MBD5: variants seen among roughly 807,000 people sequenced by gnomAD.
The protein encoded by MBD5 is methyl-CpG-binding domain protein 5.
A neutral mutation model predicts 117.3 loss-of-function variants in MBD5; 13 were observed. That is an observed-to-expected ratio of 0.11 (90% CI 0.07 to 0.18). MBD5 has a LOEUF of 0.18. MBD5 is among the 10% of genes least tolerant of loss of function. The pLI is 1.00. For missense variants in MBD5, 1,879 were observed against 2,093.8 expected (o/e 0.90, Z 2.00); for synonymous variants, 727 against 766.4 (o/e 0.95, Z 0.85).
At chr2:148,368,100 G>C (rs1012297572) in intron 4 of MBD5, among the ~76,000 whole-genome samples, 2 of 152,136 alleles carry the variant, frequency 1.3e-5, no homozygotes, top group African/African-American at 4.8e-5. Flanking sequence ...TGATAGACTG[G>C]ATTAAGAAAA....
intron 1 of MBD5, among the ~76,000 whole-genome samples, chr2:148,123,735 C>A (rs575939535): frequency 9.9e-5 from 15 of 152,204 alleles, no homozygotes; most frequent in African/African-American, 3.4e-4. Flanking sequence ...TAGGTGAAGT[C>A]CCCAAGGGAG....
At chr2:148,211,922 T>A (rs888619626) in intron 2 of MBD5, among the ~76,000 whole-genome samples, 1 of 151,986 alleles carries the variant, frequency 6.6e-6, no homozygotes, top group Non-Finnish European at 1.5e-5. Flanking sequence ...TTTTTTTCTG[T>A]ATTTTTTGTA....
rs117172506 is a variant in MBD5 at position 148,408,452 on chromosome 2, G to T, written c.-556-49751G>T. Reference sequence around the variant, plus strand: ...AAGGTTGCTGTCATGTTTTCATTCTGTATGGGTGCAAAAATAATTTTAAGC... The same window carrying T: ...AAGGTTGCTGTCATGTTTTCATTCTTTATGGGTGCAAAAATAATTTTAAGC... On this transcript the variant is annotated intron_variant, in intron 4 of 13. Coordinates refer to ENST00000642680, the MANE Select transcript of MBD5 (RefSeq NM_001378120.1). Among the ~76,000 whole-genome samples the T allele has an allele frequency of 2.0e-3, 298 of 152,164 alleles. 9 individuals are homozygous for T. In the East Asian group the frequency reaches 0.051, roughly 26 times the overall value.
At chr2:148,292,774 G>A (rs553753482) in intron 3 of MBD5, among the ~76,000 whole-genome samples, 83 of 152,148 alleles carry the variant, frequency 5.5e-4, no homozygotes, top group African/African-American at 2.0e-3. Flanking sequence ...GCACTCCCAA[G>A]TTTGTTGCAG....
Position 148,103,166 on chromosome 2 carries a change from T to C in MBD5, c.-924-75534T>C, listed in dbSNP as rs778005985. Among the ~76,000 whole-genome samples the C allele has an allele frequency of 4.6e-5, 7 of 152,180 alleles. No individual in the cohort carries two copies. In the South Asian group the frequency reaches 6.2e-4, roughly 13 times the overall value. On this transcript the variant is annotated intron_variant, in intron 1 of 13. Coordinates refer to ENST00000642680, the MANE Select transcript of MBD5 (RefSeq NM_001378120.1). ...AAATGTGCTTTATCTGCTTGTATTATGTTTTTCTTTATTGTTCCCAAGCCA... is the reference window on the plus strand; with the variant it reads ...AAATGTGCTTTATCTGCTTGTATTACGTTTTTCTTTATTGTTCCCAAGCCA...
At position 148,270,646 on chromosome 2, in the gene MBD5, T is replaced by G. The variant is rs1472950306; in HGVS notation, c.-680+37251T>G. Among the ~76,000 whole-genome samples the G allele has an allele frequency of 2.0e-5, 3 of 152,090 alleles. No homozygotes were observed. The East Asian group carries it at 5.8e-4, about 29-fold the overall frequency. Reference sequence around the variant, plus strand: ...TCAAGCAATCCTCCTGCCTTGGCCTTTCAAAGTGCTGGCATTACAGGTGTC... The same window carrying G: ...TCAAGCAATCCTCCTGCCTTGGCCTGTCAAAGTGCTGGCATTACAGGTGTC... On this transcript the variant is annotated intron_variant, in intron 3 of 13. Transcript: ENST00000642680.
intron 4 of MBD5, among the ~76,000 whole-genome samples, chr2:148,397,443 C>A (rs998378088): frequency 6.6e-6 from 1 of 151,640 alleles, no homozygotes; most frequent in African/African-American, 2.4e-5. Context: ...CATTCTCCTG[C>A]CTCAGCCTCC....
rs1371018820 is a variant in MBD5 at position 148,490,021 on chromosome 2, G to T, written c.4389G>T (p.Arg1463Ser). 10 of 1,613,878 alleles carry T rather than the reference G, an allele frequency of 6.2e-6. No individual in the cohort carries two copies. The highest frequency in any genetic ancestry group is 4.4e-5 in the South Asian group (4 of 91,036). The change falls in exon 11 of 14, where the codon AGG becomes AGT. Residue 1463 changes from arginine to serine, a missense_variant. Arg to Ser is a moderately radical substitution (Grantham distance 110, BLOSUM62 -1). Coordinates refer to ENST00000642680, the MANE Select transcript of MBD5 (RefSeq NM_001378120.1). ...GHIHSSPCHE[R>S]PNNVSTLPFL... is the part of the protein sequence containing the mutation. ...TCCACAGTAGTCCTTGTCATGAAAG[G>T]CCCAACAATGTCTCTACACTGCCAT... is the stretch of plus-strand genomic sequence containing the variant.
chr2:148,121,172 T>A (rs1345466125), intron 1 of MBD5, among the ~76,000 whole-genome samples: 1 of 152,192 alleles, frequency 6.6e-6, no homozygotes, highest in Non-Finnish European at 1.5e-5. Context: ...TCTGTAAAAC[T>A]GGGTTTGATT....
At chr2:148,272,785 GA>G (rs1701016978) in intron 3 of MBD5, among the ~76,000 whole-genome samples, 1 of 152,018 alleles carries the variant, frequency 6.6e-6, no homozygotes, top group African/African-American at 2.4e-5. Flanking sequence ...TTTTTAGTTT[GA>G]TATAATTCCA....
At chr2:148,200,246 C>G (rs1158345237) in intron 2 of MBD5, among the ~76,000 whole-genome samples, 1 of 151,016 alleles carries the variant, frequency 6.6e-6, no homozygotes, top group Non-Finnish European at 1.5e-5. Flanking sequence ...TTATTGTCTG[C>G]CCACACTAGA....
chr2:148,263,972 A>G (rs1042702568), intron 3 of MBD5, among the ~76,000 whole-genome samples: 3 of 152,176 alleles, frequency 2.0e-5, no homozygotes, highest in Admixed American at 6.5e-5. Flanking sequence ...GAAAGCAGAC[A>G]TTTGCATTCA....
chr2:148,033,706 A>C (rs1694106181), intron 1 of MBD5, among the ~76,000 whole-genome samples: 1 of 152,210 alleles, frequency 6.6e-6, no homozygotes, highest in African/African-American at 2.4e-5. Context: ...GTACCACATA[A>C]CAGTTGATGA....
At chr2:148,507,652 G>C (rs1010989522) in intron 12 of MBD5, among the ~76,000 whole-genome samples, 1 of 151,872 alleles carries the variant, frequency 6.6e-6, no homozygotes, top group Non-Finnish European at 1.5e-5. Flanking sequence ...CCAGCTACTC[G>C]AGGGGGCTGA....
At position 148,490,485 on chromosome 2, in the gene MBD5, T is replaced by C. The variant is rs757106099; in HGVS notation, c.4853T>C (p.Val1618Ala). 3.7e-6 allele frequency: 6 copies of C among 1,614,224 alleles called. No homozygotes were observed. Among genetic ancestry groups the C allele is most frequent in the Non-Finnish European group, 8.5e-7 (1 of 1,180,042 alleles). Residue 1618 changes from valine to alanine, a missense_variant, in exon 11 of 14, where the codon GTT becomes GCT. This residue lies in a region of MBD5 where 135 missense variants were observed against 148.0 expected (regional missense o/e 0.91). Coordinates refer to ENST00000642680, the MANE Select transcript of MBD5 (RefSeq NM_001378120.1). ...LIHYRPRTFN[V>A]GDLVWGQIKG... ...CATTATAGACCAAGGACGTTCAATG[T>C]TGGCGACTTGGTCTGGGGCCAAATC...
chr2:148,169,392 AG>A (rs150127927), intron 1 of MBD5, among the ~76,000 whole-genome samples: 3,929 of 152,274 alleles, frequency 0.026, 98 homozygotes, highest in African/African-American at 0.067. Flanking sequence ...AACGTCAACA[AG>A]CCCAATACAT....
At chr2:148,154,672 T>G (rs1478162943) in intron 1 of MBD5, among the ~76,000 whole-genome samples, 1 of 152,166 alleles carries the variant, frequency 6.6e-6, no homozygotes, top group East Asian at 1.9e-4. Flanking sequence ...AGCGCAGTAA[T>G]CGGGTGGGAG....
At chr2:148,144,959 A>G (rs983646724) in intron 1 of MBD5, among the ~76,000 whole-genome samples, 3 of 152,144 alleles carry the variant, frequency 2.0e-5, no homozygotes, top group Non-Finnish European at 4.4e-5. Context: ...ATGAACTTTA[A>G]AGTAGTTTTT....
intron 3 of MBD5, among the ~76,000 whole-genome samples, chr2:148,235,420 C>A (rs1700071536): frequency 6.6e-6 from 1 of 152,132 alleles, no homozygotes; most frequent in South Asian, 2.1e-4. Context: ...AAGAATCAAG[C>A]CCTTTGTTTT....
Sources: allele counts gnomAD v4.1 joint callset (sites outside exome capture counted in the v4.1 genomes callset), GRCh38; gene constraint gnomAD v4.1.1; regional missense constraint gnomAD v4.1.1; transcripts MANE v1.5; gene names NCBI Gene and HGNC (gene_info 2026-07-23, HGNC 2026-07-21).